Variants in PLD3 observed in about 807,000 individuals in gnomAD.
PLD3 encodes the protein phospholipase D family member 3.
PLD3 carries 31 observed loss-of-function variants against 58.4 expected under a neutral mutation model. That is an observed-to-expected ratio of 0.53 (90% confidence interval 0.40 to 0.72). The LOEUF (loss-of-function observed/expected upper bound fraction) is 0.72, where lower values mean the gene tolerates loss of function less well. PLD3 is among the 30% of genes least tolerant of loss of function. The pLI, the probability that PLD3 is intolerant of heterozygous loss-of-function variation, is 0.00. For synonymous variants in PLD3, 264 were observed against 273.4 expected, an observed-to-expected ratio of 0.97 and a Z score of 0.34; for missense variants, 595 against 659.8, an observed-to-expected ratio of 0.90 and a Z score of 1.08.
chr19:40,368,031 C>T (rs1444108394), intron 6 of PLD3, 152 bp downstream of exon 6: 7 of 665,214 alleles, frequency 1.1e-5, no homozygotes, highest in Non-Finnish European at 1.8e-5. Context: ...AAGCAGCTGT[C>T]GTCACGTGGC....
Position 40,361,353 on chromosome 19 carries a change from C to T in PLD3, c.-278-4365C>T, listed in dbSNP as rs535977501. Among the ~76,000 whole-genome samples the T allele has an allele frequency of 3.9e-5, 6 of 152,162 alleles. No homozygotes were observed. In the South Asian group the frequency reaches 8.3e-4, roughly 21 times the overall value. ...CTCGAACTCCCAACCTCAGGTGATC[C>T]GCCCACCTTGGCCTCCCAAAGTGCT... On this transcript the variant is annotated intron_variant, in intron 1 of 12. Coordinates refer to ENST00000409735, the MANE Select transcript of PLD3 (RefSeq NM_012268.4).
chr19:40,352,432 T>C (rs192365639), intron 1 of PLD3, among the ~76,000 whole-genome samples: 400 of 152,218 alleles, frequency 2.6e-3, no homozygotes, highest in Non-Finnish European at 4.4e-3. Flanking sequence ...GAGAGGCAGC[T>C]GTCATGTGGC....
chr19:40,361,846 T>G (rs1256645140), intron 1 of PLD3, among the ~76,000 whole-genome samples: 1 of 151,948 alleles, frequency 6.6e-6, no homozygotes, highest in Non-Finnish European at 1.5e-5. Flanking sequence ...TTATCACCTT[T>G]TTTTTTTATT....
chr19:40,366,706 C>T, intron 4 of PLD3, 22 bp downstream of exon 4: 2 of 1,613,704 alleles, frequency 1.2e-6, no homozygotes, highest in South Asian at 1.1e-5. Context: ...CCGCCACCCT[C>T]GCTCTGTCTC....
chr19:40,365,137 A>G (rs1183041105), intron 1 of PLD3, among the ~76,000 whole-genome samples: 1 of 151,912 alleles, frequency 6.6e-6, no homozygotes, highest in African/African-American at 2.4e-5. Flanking sequence ...AGCTTGAGGG[A>G]AGAGGGTGTC....
rs1475059613 is a variant in PLD3, at chr19:40,367,583, A to T, written c.246-113A>T. Reference sequence around the variant, plus strand: ...GGGGACAGGGCAAGACTCTGTCTCTAAAAAAAAAAAAATACAGTCTATCCA... The same window carrying T: ...GGGGACAGGGCAAGACTCTGTCTCTTAAAAAAAAAAAATACAGTCTATCCA... On this transcript the variant is annotated intron_variant, in intron 5 of 12. Coordinates refer to ENST00000409735, the MANE Select transcript of PLD3 (RefSeq NM_012268.4). 2.7e-5 allele frequency: 6 copies of T among 218,798 alleles called. No homozygotes were observed. In the East Asian group the frequency reaches 5.6e-4, roughly 20 times the overall value. The allele number at this position is 218,798 out of a possible 1,614,324, so 13.6% of individuals were successfully genotyped here. A position where few individuals can be genotyped will look rare whatever the true frequency, so the allele number is the denominator to read the frequency against.
chr19:40,363,385 A>T (rs774165535), intron 1 of PLD3, among the ~76,000 whole-genome samples: 2 of 151,702 alleles, frequency 1.3e-5, no homozygotes, highest in Non-Finnish European at 2.9e-5. Context: ...AGTTTCAAAT[A>T]ACCTTAGTCT....
At position 40,367,743 on chromosome 19, in the gene PLD3, C is replaced by A; in HGVS notation, c.293C>A (p.Ala98Asp). 6.2e-7 allele frequency: 1 copy of A among 1,613,838 alleles called. No homozygotes were observed. Among genetic ancestry groups the A allele is most frequent in the Non-Finnish European group, 8.5e-7 (1 of 1,179,864 alleles). ...CCTGAGGGCCTGGACTTCCCCAATG[C>A]CTCCACGGGGAACCCTTCCACCAGC... is the stretch of plus-strand genomic sequence containing the variant. ...SIPEGLDFPN[A>D]STGNPSTSQA... is the part of the protein sequence containing the mutation. Residue 98 changes from alanine to aspartate, a missense_variant, in exon 6 of 13, where the codon GCC becomes GAC. Transcript: ENST00000409735.
At chr19:40,370,577 G>A in intron 8 of PLD3, 1 of 199,624 alleles carries the variant, frequency 5.0e-6, no homozygotes. Flanking sequence ...GGAGACTGAG[G>A]TGGGAGGATC....
rs949344492 is a variant in PLD3 at position 40,376,476 on chromosome 19, G to C, written c.1020-133G>C. 3 of 800,340 alleles carry C rather than the reference G, an allele frequency of 3.7e-6. No individual in the cohort carries two copies. In the East Asian group the frequency reaches 7.6e-5, roughly 20 times the overall value. The allele number at this position is 800,340 out of a possible 1,614,324, so 49.6% of individuals were successfully genotyped here. ...ATTTATGGAGACAGGAACAGGGTCT[G>C]GGAGCCAGCGATGAGGAAGTCCTCT... is the stretch of plus-strand genomic sequence containing the variant. On this transcript the variant is annotated intron_variant, in intron 10 of 12. Coordinates refer to ENST00000409735, the MANE Select transcript of PLD3 (RefSeq NM_012268.4).
At chr19:40,369,030 C>T (rs927905113) in intron 6 of PLD3, among the ~76,000 whole-genome samples, 5 of 151,960 alleles carry the variant, frequency 3.3e-5, no homozygotes, top group Non-Finnish European at 7.4e-5. Flanking sequence ...GAGGCTGAAG[C>T]AGGAGAATGA....
Position 40,374,608 on chromosome 19 carries a change from C to G in PLD3, c.1007C>G (p.Ser336Cys), listed in dbSNP as rs771571430. ...VMNYLPTLEF[S>C]HPHRFWPAID... Reference sequence around the variant, plus strand: ...AACTACCTGCCCACTCTGGAGTTCTCCCACCCTCACAGGTACTGCTGGGTG... The same window carrying G: ...AACTACCTGCCCACTCTGGAGTTCTGCCACCCTCACAGGTACTGCTGGGTG... Residue 336 changes from serine (S) to cysteine (C), a missense_variant, in exon 10 of 13, where the codon TCC becomes TGC. Transcript: ENST00000409735. 1 of 1,614,092 alleles carries G rather than the reference C, an allele frequency of 6.2e-7. No individual in the cohort carries two copies. The highest frequency in any genetic ancestry group is 8.5e-7 in the Non-Finnish European group (1 of 1,180,014).
At position 40,367,725 on chromosome 19, in the gene PLD3, G is replaced by A. The variant is rs763620683; in HGVS notation, c.275G>A (p.Gly92Asp). 3.1e-6 allele frequency: 5 copies of A among 1,613,338 alleles called. No homozygotes were observed. The highest frequency in any genetic ancestry group is 1.7e-5 in the Admixed American group (1 of 59,976). Reference protein sequence around the residue: ...EAVLVESIPEGLDFPNASTGN... With the variant: ...EAVLVESIPEDLDFPNASTGN... ...GTGCTGGTGGAAAGCATTCCTGAGG[G>A]CCTGGACTTCCCCAATGCCTCCACG... is the stretch of plus-strand genomic sequence containing the variant. Residue 92 changes from glycine to aspartate, a missense_variant, in exon 6 of 13, where the codon GGC becomes GAC. Coordinates refer to ENST00000409735, the MANE Select transcript of PLD3 (RefSeq NM_012268.4).
At chr19:40,351,782 G>T (rs1166796096) in intron 1 of PLD3, among the ~76,000 whole-genome samples, 1 of 152,160 alleles carries the variant, frequency 6.6e-6, no homozygotes, top group African/African-American at 2.4e-5. Context: ...AGTGAGGTGG[G>T]TGCCACAGGA....
rs1452129740 is a variant in PLD3 at position 40,374,599 on chromosome 19, T to C, written c.998T>C (p.Leu333Pro). 1.9e-6 allele frequency: 3 copies of C among 1,613,972 alleles called. No individual in the cohort carries two copies. Among genetic ancestry groups the C allele is most frequent in the Non-Finnish European group, 2.5e-6 (3 of 1,180,014 alleles). The part of the protein sequence containing the change: ...YVAVMNYLPT[L>P]EFSHPHRFWP... ...GCTGTCATGAACTACCTGCCCACTC[T>C]GGAGTTCTCCCACCCTCACAGGTAC... The change falls in exon 10 of 13, where the codon CTG becomes CCG. Residue 333 changes from leucine to proline, a missense_variant. Transcript: ENST00000409735.
At chr19:40,349,102 G>C (rs909691124) in intron 1 of PLD3, among the ~76,000 whole-genome samples, 2 of 151,858 alleles carry the variant, frequency 1.3e-5, no homozygotes, top group African/African-American at 4.8e-5. Context: ...GGTCGTAATC[G>C]CTCCCTTTAA....
chr19:40,367,729 G>A lies in PLD3; in HGVS notation c.279G>A (p.Leu93=), dbSNP rs2078964002. The A allele has an allele frequency of 6.2e-7, 1 of 1,613,626 alleles. No homozygotes were observed. The change falls in exon 6 of 13, where the codon CTG becomes CTA. Residue 93 remains leucine (L), a synonymous_variant. Coordinates refer to ENST00000409735, the MANE Select transcript of PLD3 (RefSeq NM_012268.4). The part of the protein sequence containing the change: ...AVLVESIPEG[L]DFPNASTGNP... ...TGGTGGAAAGCATTCCTGAGGGCCTGGACTTCCCCAATGCCTCCACGGGGA... is the reference window on the plus strand; with the variant it reads ...TGGTGGAAAGCATTCCTGAGGGCCTAGACTTCCCCAATGCCTCCACGGGGA...
At chr19:40,377,737 C>T (rs371840743) in intron 11 of PLD3, 49 bp from the exon 12 acceptor site, 4 of 1,399,366 alleles carry the variant, frequency 2.9e-6, no homozygotes, top group East Asian at 2.3e-5. Flanking sequence ...GGGGCTCCTC[C>T]GACTCCCCCT....
intron 9 of PLD3, among the ~76,000 whole-genome samples, chr19:40,372,540 C>T (rs1427363796): frequency 6.6e-6 from 1 of 150,646 alleles, no homozygotes; most frequent in East Asian, 2.0e-4. Flanking sequence ...GTAATCCCAG[C>T]ACTTTGGGAG....
Sources: gnomAD v4.1 joint callset for allele counts (sites outside exome capture counted in the v4.1 genomes callset) on GRCh38, gnomAD v4.1.1 for gene constraint, MANE v1.5 for transcripts, NCBI Gene and HGNC (gene_info 2026-07-23, HGNC 2026-07-21) for gene names.